Variants in HAT1 observed in about 807,000 individuals in gnomAD.
The protein encoded by HAT1 is histone acetyltransferase type B catalytic subunit.
HAT1 carries 20 observed loss-of-function variants against 56.6 expected under a neutral mutation model. That is an observed-to-expected ratio of 0.35 (90% CI 0.25 to 0.51). The LOEUF (loss-of-function observed/expected upper bound fraction) is 0.51, where lower values mean the gene tolerates loss of function less well. Among genes scored for constraint, HAT1 ranks in the 20% least tolerant of loss-of-function variants. HAT1 has a pLI of 0.95. For missense variants in HAT1, 408 were observed against 504.3 expected, an observed-to-expected ratio of 0.81 and a Z score of 1.83; for synonymous variants, 146 against 165.5, an observed-to-expected ratio of 0.88 and a Z score of 0.91.
chr2:171,981,026 C>T (rs1688119987), intron 10 of HAT1, among the ~76,000 whole-genome samples: 1 of 151,514 alleles, frequency 6.6e-6, no homozygotes, highest in Non-Finnish European at 1.5e-5. Context: ...ACAAATTAGC[C>T]AGGCATGGTG....
intron 2 of HAT1, among the ~76,000 whole-genome samples, chr2:171,943,029 T>C (rs2105315947): frequency 6.6e-6 from 1 of 152,032 alleles, no homozygotes; most frequent in South Asian, 2.1e-4. Context: ...ATTAGAGATG[T>C]AGTAGTTGTG....
At chr2:171,967,834 C>T (rs1419065966) in intron 8 of HAT1, among the ~76,000 whole-genome samples, 1 of 151,978 alleles carries the variant, frequency 6.6e-6, no homozygotes, top group Non-Finnish European at 1.5e-5. Flanking sequence ...TGCACTAAAA[C>T]ATTAACATGT....
chr2:171,977,538 TATATATATATATA>T (rs1484873824), intron 9 of HAT1, among the ~76,000 whole-genome samples: 2 of 15,008 alleles, frequency 1.3e-4, no homozygotes, highest in Non-Finnish European at 2.6e-4. Context: ...TATATATATA[TATATATATATATA>T]TATATATTTT....
intron 2 of HAT1, among the ~76,000 whole-genome samples, chr2:171,927,892 GT>G (rs1035390118): frequency 1.1e-4 from 16 of 151,336 alleles, no homozygotes; most frequent in Admixed American, 2.0e-4. Context: ...CCAGGAAATG[GT>G]TTTTTATTTT....
At chr2:171,958,678 A>G (rs1050070447) in intron 4 of HAT1, among the ~76,000 whole-genome samples, 2 of 152,188 alleles carry the variant, frequency 1.3e-5, no homozygotes, top group Non-Finnish European at 2.9e-5. Flanking sequence ...TAAAAATACC[A>G]TATTGGTAAG....
intron 1 of HAT1, chr2:171,922,740 C>T (rs1282896543): frequency 5.0e-6 from 2 of 398,618 alleles, no homozygotes; most frequent in Non-Finnish European, 8.8e-6. Flanking sequence ...GCAATCCGGC[C>T]CCTACCGAGG....
chr2:171,948,058 C>T (rs1311953003), intron 3 of HAT1, among the ~76,000 whole-genome samples: 1 of 151,978 alleles, frequency 6.6e-6, no homozygotes, highest in Non-Finnish European at 1.5e-5. Context: ...ATTTTTTTAC[C>T]TGGATTCACC....
At chr2:171,954,855 A>G (rs1687401368) in intron 4 of HAT1, among the ~76,000 whole-genome samples, 1 of 152,210 alleles carries the variant, frequency 6.6e-6, no homozygotes, top group Non-Finnish European at 1.5e-5. Context: ...ATTTGGGTGG[A>G]CCTAAATGTA....
At chr2:171,945,277 A>G (rs1687129707) in intron 2 of HAT1, among the ~76,000 whole-genome samples, 1 of 152,098 alleles carries the variant, frequency 6.6e-6, no homozygotes, top group Non-Finnish European at 1.5e-5. Flanking sequence ...TTCAGTACTC[A>G]CAACAAATAC....
intron 4 of HAT1, among the ~76,000 whole-genome samples, chr2:171,957,263 GT>G (rs1687470112): frequency 1.3e-5 from 2 of 152,210 alleles, no homozygotes; most frequent in Non-Finnish European, 2.9e-5. Context: ...AAAGCTTTGG[GT>G]CCAGAGGGTG....
In HAT1 at chr2:171,965,772, T is replaced by A; in HGVS notation, c.490-15T>A. On this transcript the variant is annotated splice_polypyrimidine_tract_variant and intron_variant, in intron 5 of 10. Transcript: ENST00000264108. Reference sequence around the variant, plus strand: ...GTGATGAGTTTCACCTGACTTTTCCTGGCTTTTTCCCTAGGCTGACATGAC... The same window carrying A: ...GTGATGAGTTTCACCTGACTTTTCCAGGCTTTTTCCCTAGGCTGACATGAC... The A allele has an allele frequency of 6.2e-7, 1 of 1,610,862 alleles. No homozygotes were observed. The highest frequency in any genetic ancestry group is 8.5e-7 in the Non-Finnish European group (1 of 1,178,808).
intron 8 of HAT1, among the ~76,000 whole-genome samples, chr2:171,969,693 A>G (rs894891434): frequency 2.6e-5 from 4 of 152,174 alleles, no homozygotes; most frequent in Non-Finnish European, 5.9e-5. Flanking sequence ...CAAACAAAGT[A>G]TTATCAGTCA....
rs1558976378 is a variant in HAT1, at chr2:171,966,509, G to A, written c.712G>A (p.Val238Ile). The change falls in exon 7 of 11, where the codon GTA becomes ATA. Residue 238 changes from valine (V) to isoleucine (I), a missense_variant. Coordinates refer to ENST00000264108, the MANE Select transcript of HAT1 (RefSeq NM_003642.4). ...YVYPDKTRPRVSQMLILTPFQ... is the reference protein window; with the variant it reads ...YVYPDKTRPRISQMLILTPFQ... ...GTACCCAGACAAAACCCGGCCACGT[G>A]TAAGGTAATTGGCAGTATAACACGT... is the stretch of plus-strand genomic sequence containing the variant. The A allele has an allele frequency of 2.0e-6, 3 of 1,464,118 alleles. No homozygotes were observed. The highest frequency in any genetic ancestry group is 2.9e-6 in the Non-Finnish European group (3 of 1,043,102). The allele number at this position is 1,464,118 out of a possible 1,614,324, so 90.7% of individuals were successfully genotyped here. A position where few individuals can be genotyped will look rare whatever the true frequency, so the allele number is the denominator to read the frequency against.
chr2:171,926,244 G>C (rs1283582187), intron 2 of HAT1, among the ~76,000 whole-genome samples: 1 of 152,036 alleles, frequency 6.6e-6, no homozygotes, highest in Non-Finnish European at 1.5e-5. Flanking sequence ...CAGCCTGCCA[G>C]GTAGCTAGGA....
rs200227351 is a variant in HAT1, at chr2:171,983,049, CA to C, written c.1093-126del. 3.3e-3 allele frequency: 1,529 copies of C among 460,232 alleles called. 4 individuals are homozygous for C. The highest frequency in any genetic ancestry group is 9.7e-3 in the African/African-American group (469 of 48,164). The allele number at this position is 460,232 out of a possible 1,614,324, so 28.5% of individuals were successfully genotyped here. ...AGCTTCCTTAAAAAACAAAACAAAA[CA>C]AAAAAAAAACATTGTGGGACAAGTT... On this transcript the variant is annotated intron_variant, in intron 10 of 10. Transcript: ENST00000264108.
intron 1 of HAT1, chr2:171,923,390 G>A (rs1416984733): frequency 1.3e-5 from 2 of 151,992 alleles, no homozygotes; most frequent in East Asian, 3.9e-4. Flanking sequence ...TCAGCCTCCC[G>A]AGTAGCTAGG....
chr2:171,932,746 A>C (rs1462380195), intron 2 of HAT1, among the ~76,000 whole-genome samples: 2 of 152,070 alleles, frequency 1.3e-5, no homozygotes, highest in African/African-American at 4.8e-5. Flanking sequence ...GCATGCACCC[A>C]TAGTCCTAGC....
intron 6 of HAT1, 140 bp from the exon 7 acceptor site, chr2:171,966,269 A>C (rs752205183): frequency 7.4e-6 from 5 of 671,198 alleles, no homozygotes; most frequent in Non-Finnish European, 1.4e-5. Context: ...GTACATTCAG[A>C]ACATAGCAGG....
Position 171,946,738 on chromosome 2 carries a change from T to C in HAT1, c.143T>C (p.Ile48Thr). 6.3e-7 allele frequency: 1 copy of C among 1,585,308 alleles called. No homozygotes were observed. The highest frequency in any genetic ancestry group is 1.1e-5 in the South Asian group (1 of 88,052). ...TTTCCTGAAGATCTTGAAAATGACA[T>C]TAGAACTTTCTTTCCTGAGTATACC... ...VRFPEDLEND[I>T]RTFFPEYTHQ... The change falls in exon 3 of 11, where the codon ATT becomes ACT. Residue 48 changes from isoleucine (I) to threonine (T), a missense_variant. By Grantham distance (89) the Ile-to-Thr change is moderately conservative. Coordinates refer to ENST00000264108, the MANE Select transcript of HAT1 (RefSeq NM_003642.4).
Sources: allele counts gnomAD v4.1 joint callset (sites outside exome capture counted in the v4.1 genomes callset), GRCh38; gene constraint gnomAD v4.1.1; transcripts MANE v1.5; gene names NCBI Gene and HGNC (gene_info 2026-07-23, HGNC 2026-07-21).